Variants in MEI1 observed in about 807,000 individuals in gnomAD.
The protein encoded by MEI1 is meiosis inhibitor protein 1.
A neutral mutation model predicts 146.2 loss-of-function variants in MEI1; 103 were observed. That is an observed-to-expected ratio of 0.70 (90% CI 0.60 to 0.83). The LOEUF (loss-of-function observed/expected upper bound fraction) is 0.83, where lower values mean the gene tolerates loss of function less well. Ranked by LOEUF, MEI1 falls within the 40% of genes least tolerant of loss-of-function variation. MEI1 has a pLI of 0.00. For synonymous variants in MEI1, 652 were observed against 628.2 expected (o/e 1.04, Z -0.57); for missense variants, 1,529 against 1,533.0 (o/e 1.00, Z 0.04).
intron 20 of MEI1, among the ~76,000 whole-genome samples, chr22:41,771,646 C>T (rs1423985023): frequency 1.3e-5 from 2 of 151,936 alleles, no homozygotes; most frequent in Non-Finnish European, 2.9e-5. Flanking sequence ...ACCAGGTTGC[C>T]CAGGCTGTCA....
At chr22:41,778,685 C>G (rs995373919) in intron 21 of MEI1, 23 bp from the exon 22 acceptor site, 29 of 1,564,750 alleles carry the variant, frequency 1.9e-5, no homozygotes, top group African/African-American at 2.7e-5. Flanking sequence ...GGCTTCTTGC[C>G]CAGTCCTCCT....
chr22:41,718,058 G>A lies in MEI1; in HGVS notation c.530-13G>A. On this transcript the variant is annotated splice_polypyrimidine_tract_variant and intron_variant, in intron 5 of 30. Transcript: ENST00000401548. ...TGAAATTTCCCTTGGCTCCTTGGTT[G>A]TTTTCTGGACAGGCAACCTGATGGA... 6.3e-7 allele frequency: 1 copy of A among 1,586,088 alleles called. No individual in the cohort carries two copies. Among genetic ancestry groups the A allele is most frequent in the Non-Finnish European group, 8.6e-7 (1 of 1,164,618 alleles).
intron 7 of MEI1, among the ~76,000 whole-genome samples, chr22:41,727,904 G>A (rs556148217): frequency 2.6e-5 from 4 of 152,226 alleles, no homozygotes; most frequent in South Asian, 2.1e-4. Flanking sequence ...GGGACTGGCC[G>A]TTCACGTAGG....
intron 15 of MEI1, among the ~76,000 whole-genome samples, 190 bp downstream of exon 15, chr22:41,748,408 G>A (rs2073488917): frequency 6.6e-6 from 1 of 152,160 alleles, no homozygotes. Flanking sequence ...AAGGGGCTGG[G>A]CGTGGTAGCT....
intron 3 of MEI1, among the ~76,000 whole-genome samples, chr22:41,711,880 C>G (rs1218739041): frequency 6.6e-6 from 1 of 151,536 alleles, no homozygotes; most frequent in Admixed American, 6.6e-5. Context: ...TATAAAGGAG[C>G]AAACTGAGGA....
chr22:41,797,238 C>G (rs1025989182), intron 30 of MEI1, among the ~76,000 whole-genome samples: 1 of 152,084 alleles, frequency 6.6e-6, no homozygotes, highest in African/African-American at 2.4e-5. Context: ...ATCTGCCTGC[C>G]TTGGCCTCCC....
rs764481259 is a variant in MEI1 at position 41,699,514 on chromosome 22, G to T, written c.-25G>T. ...TGCAGTCTGCGCGGGAAAGAGTGCC[G>T]CCTCAGCTGAGGGCAAGCGAGGAGA... On this transcript the variant is annotated 5_prime_UTR_variant, in exon 1 of 31. Transcript: ENST00000401548. 6.3e-7 allele frequency: 1 copy of T among 1,595,434 alleles called. No individual in the cohort carries two copies. The highest frequency in any genetic ancestry group is 1.1e-5 in the South Asian group (1 of 88,726).
At position 41,752,604 on chromosome 22, in the gene MEI1, C is replaced by T. The variant is rs771230022; in HGVS notation, c.1806C>T (p.Phe602=). ...KFSKKLASSS[F]IRLTLELKAR... is the part of the protein sequence containing the mutation. ...ACTTCTCTGAAGCTTCCTCATCCTT[C>T]ATACGACTGACCCTGGAGCTGAAGG... The change falls in exon 16 of 31, where the codon TTC becomes TTT. Residue 602 remains phenylalanine (F), a synonymous_variant. Coordinates refer to ENST00000401548, the MANE Select transcript of MEI1 (RefSeq NM_152513.4). 10 of 1,598,812 alleles carry T rather than the reference C, an allele frequency of 6.3e-6. No individual in the cohort carries two copies. In the South Asian group the frequency reaches 1.1e-4, roughly 18 times the overall value.
intron 20 of MEI1, among the ~76,000 whole-genome samples, chr22:41,773,423 C>T (rs2075286960): frequency 6.6e-6 from 1 of 152,056 alleles, no homozygotes; most frequent in African/African-American, 2.4e-5. Flanking sequence ...CATTGACTGC[C>T]TCTGAACCAG....
At chr22:41,784,317 C>T in intron 24 of MEI1, 22 bp from the exon 25 acceptor site, 1 of 1,609,386 alleles carries the variant, frequency 6.2e-7, no homozygotes, top group Middle Eastern at 1.7e-4. Flanking sequence ...GGGGGTTAGC[C>T]CTTTACCCTG....
In MEI1 at chr22:41,744,480, ATTTTTTTTTTTT is replaced by A. The variant is rs771456925; in HGVS notation, c.1447-469_1447-458del. ...AGCCACCATGCCCAGCTTTGCTATGATTTTTTTTTTTTTTTTTTTTTTTTTTTTTTTTTTTGA... is the reference window on the plus strand; with the variant it reads ...AGCCACCATGCCCAGCTTTGCTATGATTTTTTTTTTTTTTTTTTTTTTTGA... On this transcript the variant is annotated intron_variant, in intron 12 of 30. Coordinates refer to ENST00000401548, the MANE Select transcript of MEI1 (RefSeq NM_152513.4). Among the ~76,000 whole-genome samples the A allele has an allele frequency of 3.5e-4, 3 of 8,586 alleles. 1 individual carries two copies. The highest frequency in any genetic ancestry group is 1.7e-3 in the African/African-American group (1 of 600). 5.6% of individuals were successfully genotyped at this position (8,586 alleles called of 152,430 possible). A position where few individuals can be genotyped will look rare whatever the true frequency, so the allele number is the denominator to read the frequency against.
chr22:41,768,076 T>G (rs554254362), intron 19 of MEI1, among the ~76,000 whole-genome samples: 43 of 152,250 alleles, frequency 2.8e-4, no homozygotes, highest in Admixed American at 2.8e-3. Flanking sequence ...TAAGTCTTTA[T>G]TAACATGCTT....
intron 19 of MEI1, chr22:41,767,723 C>G (rs2074947381): frequency 1.7e-5 from 7 of 415,498 alleles, no homozygotes; most frequent in Admixed American, 1.5e-4. Context: ...GGGGCCCTGT[C>G]AGGTCTGAAA....
chr22:41,785,452 A>G (rs1327768724), intron 26 of MEI1, among the ~76,000 whole-genome samples: 2 of 142,096 alleles, frequency 1.4e-5, no homozygotes, highest in African/African-American at 5.3e-5. Flanking sequence ...TTAGTAGAGA[A>G]AGGTTTTCAC....
chr22:41,752,534 C>G, intron 15 of MEI1, 57 bp from the exon 16 acceptor site: 3 of 1,478,940 alleles, frequency 2.0e-6, no homozygotes, highest in Non-Finnish European at 2.8e-6. Flanking sequence ...AGGCTTGGGA[C>G]TCTCTGTGAC....
In MEI1 at chr22:41,740,219, C is replaced by T. The variant is rs373514076; in HGVS notation, c.1332-2861C>T. ...ATTTTTAGTAGAGATGCGTTTTCAC[C>T]ATATTGGCCAGGCTGGTATCGAATT... On this transcript the variant is annotated intron_variant, in intron 11 of 30. Coordinates refer to ENST00000401548, the MANE Select transcript of MEI1 (RefSeq NM_152513.4). Among the ~76,000 whole-genome samples, 7 of 152,016 alleles carry T rather than the reference C, an allele frequency of 4.6e-5. No homozygotes were observed. In the East Asian group the frequency reaches 9.7e-4, roughly 21 times the overall value.
intron 3 of MEI1, among the ~76,000 whole-genome samples, chr22:41,706,784 T>A (rs1601634630): frequency 6.6e-6 from 1 of 151,548 alleles, no homozygotes; most frequent in South Asian, 2.1e-4. Flanking sequence ...AGAAAGAAGG[T>A]AAGAGCCCTG....
chr22:41,761,395 A>T (rs1486509049), intron 18 of MEI1, among the ~76,000 whole-genome samples: 3 of 150,392 alleles, frequency 2.0e-5, no homozygotes, highest in Admixed American at 1.3e-4. Flanking sequence ...GCTCACTGCA[A>T]GCTCTGCCTC....
At chr22:41,744,480 ATTTTTTTTTTTTTT>A (rs771456925) in intron 12 of MEI1, among the ~76,000 whole-genome samples, 4 of 8,592 alleles carry the variant, frequency 4.7e-4, no homozygotes, top group South Asian at 7.2e-3. Context: ...CTTTGCTATG[ATTTTTTTTTTTTTT>A]TTTTTTTTTT....
Sources: gnomAD v4.1 joint callset for allele counts (sites outside exome capture counted in the v4.1 genomes callset) on GRCh38, gnomAD v4.1.1 for gene constraint, MANE v1.5 for transcripts, NCBI Gene and HGNC (gene_info 2026-07-23, HGNC 2026-07-21) for gene names.